The following POU1F1 variants were observed in gnomAD, a reference collection of about 807,000 sequenced individuals.
POU1F1 encodes pituitary-specific positive transcription factor 1.
In POU1F1, 23 loss-of-function variants were observed where a neutral mutation model predicts 32.3. That is an observed-to-expected ratio of 0.71 (90% CI 0.51 to 1.01). The LOEUF (loss-of-function observed/expected upper bound fraction) is 1.01, where lower values mean the gene tolerates loss of function less well. Among genes scored for constraint, POU1F1 ranks in the 50% least tolerant of loss-of-function variants. The pLI is 0.00. For synonymous variants in POU1F1, 120 were observed against 115.6 expected, an observed-to-expected ratio of 1.04 and a Z score of -0.25; for missense variants, 323 against 341.6, an observed-to-expected ratio of 0.95 and a Z score of 0.43.
At chr3:87,268,571 A>G (rs190538290) in intron 2 of POU1F1, among the ~76,000 whole-genome samples, 76 of 152,216 alleles carry the variant, frequency 5.0e-4, no homozygotes, top group African/African-American at 1.7e-3. Context: ...GTGGAGAGTG[A>G]TTGGGATGAT....
chr3:87,261,973 A>G (rs1183009396), intron 4 of POU1F1, 98 bp downstream of exon 4: 6 of 1,435,228 alleles, frequency 4.2e-6, no homozygotes, highest in Non-Finnish European at 4.9e-6. Flanking sequence ...GGCGGAAAAA[A>G]ACCCCTCAAA....
rs1706482459 is a variant in POU1F1 at position 87,260,122 on chromosome 3, T to C, written c.666-18A>G. 5.0e-6 allele frequency: 8 copies of C among 1,602,292 alleles called. No individual in the cohort carries two copies. Among genetic ancestry groups the C allele is most frequent in the Non-Finnish European group, 6.8e-6 (8 of 1,171,988 alleles). On this transcript the variant is annotated intron_variant, in intron 5 of 5. Transcript: ENST00000350375. ...CAGCAATGCTGGCGGGGGGTGGACA[T>C]AGGGGGTGAAATTTTGTTGTTTTTA...
rs766852893 is a variant in POU1F1 at position 87,264,278 on chromosome 3, A to G, written c.439+10T>C. ...AGTTCTTTTTCCTGTTGCCTTTAACAAGCACATACCTAATTTAATTCGTCT... is the reference window on the plus strand; with the variant it reads ...AGTTCTTTTTCCTGTTGCCTTTAACGAGCACATACCTAATTTAATTCGTCT... On this transcript the variant is annotated intron_variant, in intron 3 of 5. Coordinates refer to ENST00000350375, the MANE Select transcript of POU1F1 (RefSeq NM_000306.4). 2 of 1,599,136 alleles carry G rather than the reference A, an allele frequency of 1.3e-6. No individual in the cohort carries two copies. The highest frequency in any genetic ancestry group is 1.1e-5 in the South Asian group (1 of 90,760).
At chr3:87,270,692 G>A (rs1706707041) in intron 2 of POU1F1, among the ~76,000 whole-genome samples, 1 of 152,064 alleles carries the variant, frequency 6.6e-6, no homozygotes, top group Non-Finnish European at 1.5e-5. Context: ...GGGCTGATTT[G>A]ATTAATGACT....
intron 1 of POU1F1, 33 bp downstream of exon 1, chr3:87,276,288 C>T (rs746948979): frequency 5.6e-6 from 9 of 1,607,220 alleles, no homozygotes; most frequent in Admixed American, 3.3e-5. Flanking sequence ...TATTTAGGCC[C>T]GGTCATATGT....
chr3:87,274,810 T>G (rs188778200), intron 1 of POU1F1, among the ~76,000 whole-genome samples: 15 of 151,794 alleles, frequency 9.9e-5, no homozygotes, highest in South Asian at 2.1e-4. Flanking sequence ...GTAGGTCACT[T>G]TTATTAATTA....
Position 87,272,859 on chromosome 3 carries a change from G to T in POU1F1, c.214+488C>A, listed in dbSNP as rs548458979. On this transcript the variant is annotated intron_variant, in intron 2 of 5. Coordinates refer to ENST00000350375, the MANE Select transcript of POU1F1 (RefSeq NM_000306.4). ...CAGAAGAAATATAATGATGAGGGGG[G>T]GTGTTCTGTAAACCTGTGCTGTCTG... Among the ~76,000 whole-genome samples the T allele has an allele frequency of 6.5e-4, 99 of 152,206 alleles. No homozygotes were observed. The East Asian group carries it at 0.012, about 19-fold the overall frequency.
chr3:87,270,199 G>A (rs1234668394), intron 2 of POU1F1, among the ~76,000 whole-genome samples: 1 of 152,138 alleles, frequency 6.6e-6, no homozygotes, highest in East Asian at 1.9e-4. Context: ...AGTACGTGAA[G>A]AGAAGGGCAA....
At chr3:87,271,810 A>C (rs1706731350) in intron 2 of POU1F1, among the ~76,000 whole-genome samples, 1 of 152,182 alleles carries the variant, frequency 6.6e-6, no homozygotes, top group Non-Finnish European at 1.5e-5. Context: ...TAATTTTTAA[A>C]AAAAGACGTC....
chr3:87,264,383 C>G lies in POU1F1; in HGVS notation c.344G>C (p.Ser115Thr). 6.2e-7 allele frequency: 1 copy of G among 1,613,928 alleles called. No individual in the cohort carries two copies. The highest frequency in any genetic ancestry group is 1.3e-5 in the African/African-American group (1 of 75,014). Reference protein sequence around the residue: ...ADFKQELRRKSKLVEEPIDMD... With the variant: ...ADFKQELRRKTKLVEEPIDMD... ...GTCTATTGGCTCTTCCACCAATTTACTTTTCCGCCTGAGTTCCTGCTTGAA... is the reference window on the plus strand; with the variant it reads ...GTCTATTGGCTCTTCCACCAATTTAGTTTTCCGCCTGAGTTCCTGCTTGAA... Residue 115 changes from serine (S) to threonine (T), a missense_variant, in exon 3 of 6, where the codon AGT (serine) becomes ACT (threonine). Physicochemically the swap from Ser to Thr is moderately conservative, Grantham distance 58. Coordinates refer to ENST00000350375, the MANE Select transcript of POU1F1 (RefSeq NM_000306.4).
At chr3:87,276,230 A>C in intron 1 of POU1F1, 91 bp downstream of exon 1, 1 of 1,481,182 alleles carries the variant, frequency 6.8e-7, no homozygotes, top group Non-Finnish European at 9.4e-7. Flanking sequence ...AAAATGAAAG[A>C]TGCAAAGAGA....
At chr3:87,269,681 A>G (rs1016068697) in intron 2 of POU1F1, among the ~76,000 whole-genome samples, 3 of 152,178 alleles carry the variant, frequency 2.0e-5, no homozygotes, top group African/African-American at 4.8e-5. Flanking sequence ...ATTTTCAGCC[A>G]TAACAATCTT....
chr3:87,261,147 G>T, intron 5 of POU1F1, 126 bp downstream of exon 5: 3 of 696,656 alleles, frequency 4.3e-6, no homozygotes, highest in Non-Finnish European at 5.0e-6. Context: ...CTGACCTCAG[G>T]CCCGCCTTGG....
At chr3:87,265,684 A>G (rs1396384992) in intron 2 of POU1F1, among the ~76,000 whole-genome samples, 4 of 152,080 alleles carry the variant, frequency 2.6e-5, no homozygotes, top group Non-Finnish European at 5.9e-5. Context: ...AAAATGATAC[A>G]AATAAAAAAC....
rs922086439 is a variant in POU1F1 at position 87,274,421 on chromosome 3, A to C, written c.143-1003T>G. Among the ~76,000 whole-genome samples, 27 of 152,058 alleles carry C rather than the reference A, an allele frequency of 1.8e-4. No homozygotes were observed. In the South Asian group the frequency reaches 5.2e-3, roughly 29 times the overall value. ...TTTCATAAATTAATTTTCTTGAATA[A>C]ATGAGATATTATAAAGTATGGTTAG... On this transcript the variant is annotated intron_variant, in intron 1 of 5. Transcript: ENST00000350375.
At chr3:87,261,801 A>C (rs1706519187) in intron 4 of POU1F1, among the ~76,000 whole-genome samples, 1 of 152,196 alleles carries the variant, frequency 6.6e-6, no homozygotes, top group African/African-American at 2.4e-5. Flanking sequence ...ATGTGTAAAA[A>C]AATAAGTATT....
At chr3:87,261,883 C>T (rs1008612803) in intron 4 of POU1F1, among the ~76,000 whole-genome samples, 188 bp downstream of exon 4, 1 of 152,134 alleles carries the variant, frequency 6.6e-6, no homozygotes. Flanking sequence ...TTTATTTCCA[C>T]ACTTACATTG....
intron 2 of POU1F1, among the ~76,000 whole-genome samples, chr3:87,266,399 A>T (rs1167861680): frequency 1.4e-5 from 2 of 148,086 alleles, no homozygotes; most frequent in East Asian, 1.9e-4. Flanking sequence ...ATATGTAATT[A>T]TAAATATGTA....
chr3:87,270,266 G>T (rs1706700473), intron 2 of POU1F1, among the ~76,000 whole-genome samples: 1 of 152,134 alleles, frequency 6.6e-6, no homozygotes, highest in Non-Finnish European at 1.5e-5. Flanking sequence ...CAGTAGAGTT[G>T]TAGTACCCAC....
Sources: gnomAD v4.1 joint callset for allele counts (sites outside exome capture counted in the v4.1 genomes callset) on GRCh38, gnomAD v4.1.1 for gene constraint, MANE v1.5 for transcripts, NCBI Gene and HGNC (gene_info 2026-07-23, HGNC 2026-07-21) for gene names.